FMN1: variants seen among roughly 807,000 people sequenced by gnomAD.
FMN1 encodes the protein formin-1.
In FMN1, 110 loss-of-function variants were observed where a neutral mutation model predicts 132.4. That is an observed-to-expected ratio of 0.83 (90% CI 0.71 to 0.97). The LOEUF (loss-of-function observed/expected upper bound fraction) is 0.97, where lower values mean the gene tolerates loss of function less well. Among genes scored for constraint, FMN1 ranks in the 50% least tolerant of loss-of-function variants. The pLI is 0.00. For missense variants in FMN1, 1,792 were observed against 1,705.3 expected (o/e 1.05, Z -0.90); for synonymous variants, 722 against 651.7 (o/e 1.11, Z -1.64).
intron 7 of FMN1, among the ~76,000 whole-genome samples, chr15:33,005,122 TG>T (rs2034344458): frequency 6.6e-6 from 1 of 152,002 alleles, no homozygotes. Context: ...CACAACAACA[TG>T]GCACATGTAT....
At chr15:32,901,148 C>A (rs2060285032) in intron 13 of FMN1, among the ~76,000 whole-genome samples, 1 of 151,386 alleles carries the variant, frequency 6.6e-6, no homozygotes, top group South Asian at 2.1e-4. Flanking sequence ...GAATGAGACT[C>A]CGTCTCAAAA....
intron 9 of FMN1, among the ~76,000 whole-genome samples, chr15:32,945,451 C>G (rs2061489485): frequency 6.6e-6 from 1 of 152,146 alleles, no homozygotes. Flanking sequence ...GACTTCCTGT[C>G]TTGTCTATAT....
At chr15:32,993,774 G>C (rs1007506453) in intron 7 of FMN1, among the ~76,000 whole-genome samples, 3 of 152,072 alleles carry the variant, frequency 2.0e-5, no homozygotes, top group Non-Finnish European at 2.9e-5. Context: ...TGTTGTCAGA[G>C]AGCGTAAATT....
chr15:32,924,199 G>T (rs2060901781), intron 10 of FMN1, among the ~76,000 whole-genome samples: 2 of 151,966 alleles, frequency 1.3e-5, no homozygotes, highest in Admixed American at 1.3e-4. Flanking sequence ...TCAATGACAG[G>T]CCTATTTAGC....
At chr15:33,082,208 G>T (rs1411829570) in intron 5 of FMN1, among the ~76,000 whole-genome samples, 1 of 151,518 alleles carries the variant, frequency 6.6e-6, no homozygotes, top group East Asian at 1.9e-4. Flanking sequence ...GAGCATCTGG[G>T]ATTACAGGCG....
intron 4 of FMN1, among the ~76,000 whole-genome samples, chr15:33,118,513 T>G (rs183512063): frequency 1.5e-3 from 231 of 152,320 alleles, no homozygotes; most frequent in Non-Finnish European, 2.5e-3. Context: ...ACATAATTTA[T>G]TTTTCCTAGG....
chr15:33,003,836 CA>C (rs2034255724), intron 7 of FMN1, among the ~76,000 whole-genome samples: 1 of 152,124 alleles, frequency 6.6e-6, no homozygotes, highest in Non-Finnish European at 1.5e-5. Context: ...GTTCTGGTAC[CA>C]AAACAGAGAT....
chr15:33,054,408 T>C (rs1000194745), intron 6 of FMN1, among the ~76,000 whole-genome samples: 3 of 152,194 alleles, frequency 2.0e-5, no homozygotes, highest in Admixed American at 6.5e-5. Context: ...AGTCCTCAAC[T>C]ATGACTATGG....
chr15:32,903,406 G>T (rs1202719835), intron 12 of FMN1, among the ~76,000 whole-genome samples: 1 of 152,196 alleles, frequency 6.6e-6, no homozygotes, highest in Non-Finnish European at 1.5e-5. Flanking sequence ...GGTATCATCA[G>T]TCTTTATAAA....
At chr15:33,103,210 A>C (rs927872427) in intron 4 of FMN1, among the ~76,000 whole-genome samples, 1 of 152,118 alleles carries the variant, frequency 6.6e-6, no homozygotes, top group Non-Finnish European at 1.5e-5. Flanking sequence ...CCTAATGAAC[A>C]CTTACTATTG....
intron 6 of FMN1, among the ~76,000 whole-genome samples, chr15:33,011,676 T>C (rs1432321369): frequency 6.6e-6 from 1 of 152,144 alleles, no homozygotes; most frequent in African/African-American, 2.4e-5. Context: ...TAACATTCCC[T>C]ACAGAGTGGG....
At chr15:32,946,999 T>C (rs2061524941) in intron 9 of FMN1, among the ~76,000 whole-genome samples, 1 of 152,204 alleles carries the variant, frequency 6.6e-6, no homozygotes, top group Non-Finnish European at 1.5e-5. Context: ...ATGTGGCCTA[T>C]CTTTTTATAC....
intron 4 of FMN1, among the ~76,000 whole-genome samples, chr15:33,129,838 G>A (rs186605994): frequency 1.1e-3 from 157 of 147,498 alleles, no homozygotes; most frequent in African/African-American, 3.8e-3. Flanking sequence ...TGTCGCCCAG[G>A]CTGGAGTGCA....
At chr15:32,939,940 CAA>C (rs2061364007) in intron 9 of FMN1, among the ~76,000 whole-genome samples, 1 of 152,022 alleles carries the variant, frequency 6.6e-6, no homozygotes, top group Admixed American at 6.6e-5. Flanking sequence ...ATTTCAAATA[CAA>C]AAGTTATAAG....
At chr15:32,945,276 G>C (rs182168079) in intron 9 of FMN1, among the ~76,000 whole-genome samples, 20 of 152,154 alleles carry the variant, frequency 1.3e-4, no homozygotes, top group Non-Finnish European at 2.2e-4. Flanking sequence ...TTTTTCCCAT[G>C]AGCCCCTTTC....
At chr15:32,969,918 G>T (rs900982186) in intron 7 of FMN1, among the ~76,000 whole-genome samples, 40 of 152,190 alleles carry the variant, frequency 2.6e-4, no homozygotes, top group Admixed American at 8.5e-4. Flanking sequence ...TGTTCTCCCA[G>T]TCTTCCAGAA....
At chr15:33,187,252 T>C (rs1375433602) in intron 2 of FMN1, among the ~76,000 whole-genome samples, 1 of 152,178 alleles carries the variant, frequency 6.6e-6, no homozygotes, top group African/African-American at 2.4e-5. Context: ...AGGAGAGGTA[T>C]GTGGTAAGGA....
chr15:32,971,549 T>C (rs2031794379), intron 7 of FMN1, among the ~76,000 whole-genome samples: 3 of 152,172 alleles, frequency 2.0e-5, no homozygotes, highest in Admixed American at 6.5e-5. Context: ...ACCCACATCT[T>C]AGCCCTGATT....
intron 5 of FMN1, among the ~76,000 whole-genome samples, chr15:33,078,927 G>A (rs1213781661): frequency 5.3e-5 from 8 of 152,184 alleles, no homozygotes; most frequent in Non-Finnish European, 1.0e-4. Flanking sequence ...AATGCAGACA[G>A]AACCTTAAGC....
Sources: allele counts gnomAD v4.1 joint callset (sites outside exome capture counted in the v4.1 genomes callset), GRCh38; gene constraint gnomAD v4.1.1; transcripts MANE v1.5; gene names NCBI Gene and HGNC (gene_info 2026-07-23, HGNC 2026-07-21).